The following ATRNL1 variants were observed in gnomAD, a reference collection of about 807,000 sequenced individuals.
ATRNL1 encodes the protein attractin-like protein 1.
Under a neutral mutation model 182.7 loss-of-function variants are expected in ATRNL1, and 95 were observed. That is an observed-to-expected ratio of 0.52 (90% confidence interval 0.44 to 0.62). The LOEUF is 0.62. Ranked by LOEUF, ATRNL1 falls within the 20% of genes least tolerant of loss-of-function variation. The probability of loss-of-function intolerance (pLI) is 0.00; values close to 1 mark genes in which losing one functional copy is unlikely to be tolerated. For synonymous variants in ATRNL1, 576 were observed against 568.3 expected (o/e 1.01, Z -0.19); for missense variants, 1,471 against 1,679.5 (o/e 0.88, Z 2.17).
intron 26 of ATRNL1, among the ~76,000 whole-genome samples, chr10:115,680,305 C>T (rs1433425964): frequency 1.3e-5 from 2 of 152,016 alleles, no homozygotes; most frequent in Admixed American, 1.3e-4. Flanking sequence ...ACTCAGAGAC[C>T]TAGGCTAACA....
chr10:115,585,327 C>T lies in ATRNL1; in HGVS notation c.3795+35791C>T, dbSNP rs1210162176. 8.3e-5 allele frequency among the ~76,000 whole-genome samples: 9 copies of T among 108,826 alleles called. No homozygotes were observed. The East Asian group carries it at 1.9e-3, about 24-fold the overall frequency. 71.4% of individuals were successfully genotyped at this position (108,826 alleles called of 152,430 possible). A position where few individuals can be genotyped will look rare whatever the true frequency, so the allele number is the denominator to read the frequency against. ...CTTGTTGACTTTCTGTCTCGTTGAT[C>T]TTTCTAATATTGACAGTGGGGTGTT... On this transcript the variant is annotated intron_variant, in intron 26 of 28. Coordinates refer to ENST00000355044, the MANE Select transcript of ATRNL1 (RefSeq NM_207303.4).
intron 19 of ATRNL1, among the ~76,000 whole-genome samples, chr10:115,342,030 G>C (rs1193372707): frequency 1.3e-5 from 2 of 151,996 alleles, no homozygotes; most frequent in Non-Finnish European, 2.9e-5. Context: ...GATAAGTAAG[G>C]ACTTACTTCT....
chr10:115,408,191 G>A (rs924085305), intron 20 of ATRNL1, among the ~76,000 whole-genome samples: 2 of 151,082 alleles, frequency 1.3e-5, no homozygotes, highest in South Asian at 4.2e-4. Context: ...TTTTAGTAGA[G>A]ACGGGGTTTC....
intron 15 of ATRNL1, among the ~76,000 whole-genome samples, chr10:115,289,461 C>A (rs1264477858): frequency 1.3e-5 from 2 of 151,860 alleles, no homozygotes; most frequent in African/African-American, 4.8e-5. Context: ...TTTTAGTAAA[C>A]CCATTCCTGA....
chr10:115,869,385 A>T (rs931790717), intron 28 of ATRNL1, among the ~76,000 whole-genome samples: 5 of 152,154 alleles, frequency 3.3e-5, no homozygotes, highest in African/African-American at 1.2e-4. Flanking sequence ...AATCCCCAAC[A>T]TTAGTGGGAA....
chr10:115,759,364 G>A (rs111385414), intron 27 of ATRNL1, among the ~76,000 whole-genome samples: 2 of 152,086 alleles, frequency 1.3e-5, no homozygotes, highest in Admixed American at 1.3e-4. Flanking sequence ...GTGGAGGGCC[G>A]ATCTGTGAAT....
chr10:115,935,531 G>A (rs1339524386), intron 28 of ATRNL1, among the ~76,000 whole-genome samples: 2 of 152,022 alleles, frequency 1.3e-5, no homozygotes, highest in Non-Finnish European at 2.9e-5. Context: ...CCTTCTTATG[G>A]CTGCAAATGA....
chr10:115,094,195 T>A (rs1467649322), intron 1 of ATRNL1, 152 bp downstream of exon 1: 2 of 826,222 alleles, frequency 2.4e-6, no homozygotes, highest in Non-Finnish European at 3.2e-6. Flanking sequence ...CGGGCGAGAG[T>A]GGGGCCCGCG....
chr10:115,663,631 C>G (rs1319518276), intron 26 of ATRNL1, among the ~76,000 whole-genome samples: 4 of 151,920 alleles, frequency 2.6e-5, no homozygotes, highest in Non-Finnish European at 5.9e-5. Flanking sequence ...GTGTTAGAGG[C>G]AGCAAATCCT....
At chr10:115,860,226 G>A (rs1418067284) in intron 28 of ATRNL1, among the ~76,000 whole-genome samples, 1 of 152,186 alleles carries the variant, frequency 6.6e-6, no homozygotes, top group Non-Finnish European at 1.5e-5. Context: ...TGAACCTGCT[G>A]TCTGATATAA....
chr10:115,818,648 A>G (rs1447368613), intron 27 of ATRNL1, among the ~76,000 whole-genome samples: 1 of 152,098 alleles, frequency 6.6e-6, no homozygotes, highest in Non-Finnish European at 1.5e-5. Flanking sequence ...AAAGCCAGTG[A>G]TATTTATTAT....
rs998976027 is a variant in ATRNL1, at chr10:115,727,993, C to T, written c.3903+638C>T. On this transcript the variant is annotated intron_variant, in intron 27 of 28. Coordinates refer to ENST00000355044, the MANE Select transcript of ATRNL1 (RefSeq NM_207303.4). ...TAATAATCCCTAAAGATGCAAAATT[C>T]GGCCGGGCGCGGTGGCTCACACCTG... 4.0e-5 allele frequency among the ~76,000 whole-genome samples: 6 copies of T among 151,302 alleles called. No homozygotes were observed. In the South Asian group the frequency reaches 1.2e-3, roughly 32 times the overall value.
chr10:115,463,226 A>G (rs1003463133), intron 22 of ATRNL1, among the ~76,000 whole-genome samples: 3 of 150,918 alleles, frequency 2.0e-5, no homozygotes, highest in African/African-American at 7.3e-5. Context: ...TTCCAGTAAA[A>G]TAGCATTCTG....
intron 25 of ATRNL1, among the ~76,000 whole-genome samples, chr10:115,523,506 T>G (rs1054582526): frequency 2.6e-5 from 4 of 152,222 alleles, no homozygotes; most frequent in African/African-American, 7.2e-5. Flanking sequence ...GCTTTCCTTT[T>G]GATTATACAT....
rs567773704 is a variant in ATRNL1, at chr10:115,639,129, G to T, written c.3796-88119G>T. 2.0e-5 allele frequency among the ~76,000 whole-genome samples: 3 copies of T among 152,238 alleles called. No homozygotes were observed. The East Asian group carries it at 5.8e-4, about 29-fold the overall frequency. On this transcript the variant is annotated intron_variant, in intron 26 of 28. Coordinates refer to ENST00000355044, the MANE Select transcript of ATRNL1 (RefSeq NM_207303.4). ...ATTAAGTTTTTGAAAAATATAATCA[G>T]AGAAGAAAATCTTAAAAGCAACCAG... is the stretch of plus-strand genomic sequence containing the variant.
At chr10:115,361,557 T>C (rs1168361223) in intron 19 of ATRNL1, among the ~76,000 whole-genome samples, 1 of 152,096 alleles carries the variant, frequency 6.6e-6, no homozygotes, top group Admixed American at 6.6e-5. Context: ...TTCATACATA[T>C]GCACAACCTC....
intron 26 of ATRNL1, among the ~76,000 whole-genome samples, chr10:115,590,955 G>A (rs1855865462): frequency 6.6e-6 from 1 of 152,108 alleles, no homozygotes; most frequent in South Asian, 2.1e-4. Flanking sequence ...CTGGCCTCTG[G>A]CAAATCCTTC....
chr10:115,733,533 C>T (rs1258065308), intron 27 of ATRNL1, among the ~76,000 whole-genome samples: 10 of 152,128 alleles, frequency 6.6e-5, no homozygotes, highest in East Asian at 1.9e-4. Context: ...AGGTGAAAAA[C>T]GCATTGTTCA....
chr10:115,240,008 A>G (rs1850350064), intron 9 of ATRNL1, among the ~76,000 whole-genome samples: 1 of 152,124 alleles, frequency 6.6e-6, no homozygotes, highest in Non-Finnish European at 1.5e-5. Context: ...AATTTCTATC[A>G]TGCTGAATTG....
Sources: allele counts gnomAD v4.1 joint callset (sites outside exome capture counted in the v4.1 genomes callset), GRCh38; gene constraint gnomAD v4.1.1; transcripts MANE v1.5; gene names NCBI Gene and HGNC (gene_info 2026-07-23, HGNC 2026-07-21).